Variants in FBXO7 observed in about 807,000 individuals in gnomAD.
FBXO7 encodes F-box protein 7.
Under a neutral mutation model 50.2 loss-of-function variants are expected in FBXO7, and 31 were observed. That is an observed-to-expected ratio of 0.62 (90% confidence interval 0.46 to 0.83). FBXO7 has a LOEUF of 0.83. Among genes scored for constraint, FBXO7 ranks in the 40% least tolerant of loss-of-function variants. The pLI, the probability that FBXO7 is intolerant of heterozygous loss-of-function variation, is 0.00. For synonymous variants in FBXO7, 256 were observed against 253.1 expected, an observed-to-expected ratio of 1.01 and a Z score of -0.11; for missense variants, 667 against 646.6, an observed-to-expected ratio of 1.03 and a Z score of -0.34.
chr22:32,481,964 T>C (rs1489130987), intron 2 of FBXO7, among the ~76,000 whole-genome samples: 1 of 152,142 alleles, frequency 6.6e-6, no homozygotes, highest in East Asian at 1.9e-4. Flanking sequence ...GTGGTTCTTA[T>C]GGAGTAGTAG....
intron 7 of FBXO7, among the ~76,000 whole-genome samples, chr22:32,493,573 T>A (rs938067244): frequency 2.0e-5 from 3 of 152,240 alleles, no homozygotes; most frequent in Admixed American, 1.3e-4. Context: ...GTATCTGACG[T>A]AGAAACGAGC....
intron 6 of FBXO7, 131 bp from the exon 7 acceptor site, chr22:32,492,974 G>A (rs2057546964): frequency 1.1e-6 from 1 of 870,462 alleles, no homozygotes; most frequent in Non-Finnish European, 2.0e-6. Context: ...GCATACTTGG[G>A]GATAATTAAG....
At position 32,475,078 on chromosome 22, in the gene FBXO7, T is replaced by G; in HGVS notation, c.76T>G (p.Leu26Val). 1.9e-6 allele frequency: 3 copies of G among 1,546,388 alleles called. No individual in the cohort carries two copies. Among genetic ancestry groups the G allele is most frequent in the Non-Finnish European group, 2.6e-6 (3 of 1,146,016 alleles). ...CGAGACGGAGCCGACGCTGGGGCAT[T>G]TGCGCTCGCACCTGAGGCAGTCCCT... Reference protein sequence around the residue: ...VPETEPTLGHLRSHLRQSLLC... With the variant: ...VPETEPTLGHVRSHLRQSLLC... Residue 26 changes from leucine (L) to valine (V), a missense_variant, in exon 1 of 9, where the codon TTG (leucine) becomes GTG (valine). Leu to Val is a conservative substitution (Grantham distance 32). Transcript: ENST00000266087.
At position 32,493,269 on chromosome 22, in the gene FBXO7, C is replaced by T. The variant is rs71799110; in HGVS notation, c.1132C>T (p.Arg378Cys). 8.1e-5 allele frequency: 131 copies of T among 1,613,590 alleles called. No individual in the cohort carries two copies. In the East Asian group the frequency reaches 1.2e-3, roughly 15 times the overall value. ...DPLLWRFLYL[R>C]DFRDNTVRVQ... The stretch of plus-strand genomic sequence containing the variant: ...ACTCCTGTGGAGGTTTTTATATCTG[C>T]GTGATTTTCGAGGTGATTTCCGTAA... The change falls in exon 7 of 9, where the codon CGT becomes TGT. Residue 378 changes from arginine to cysteine, a missense_variant. Physicochemically the swap from Arg to Cys is radical, Grantham distance 180. Coordinates refer to ENST00000266087, the MANE Select transcript of FBXO7 (RefSeq NM_012179.4).
chr22:32,480,203 A>G (rs913968822), intron 2 of FBXO7, among the ~76,000 whole-genome samples: 8 of 152,254 alleles, frequency 5.3e-5, no homozygotes, highest in Admixed American at 2.0e-4. Flanking sequence ...TCATAACTCT[A>G]TCTCATAAAC....
intron 2 of FBXO7, among the ~76,000 whole-genome samples, chr22:32,481,316 C>T (rs1208706181): frequency 1.3e-5 from 2 of 152,148 alleles, no homozygotes; most frequent in African/African-American, 4.8e-5. Flanking sequence ...AATTATATTT[C>T]TGAGTCTTTT....
intron 1 of FBXO7, 27 bp from the exon 2 acceptor site, chr22:32,478,954 A>G: frequency 1.2e-6 from 2 of 1,609,758 alleles, no homozygotes; most frequent in Non-Finnish European, 1.7e-6. Context: ...GGTAGTTCTT[A>G]CTATGCTTAT....
At chr22:32,478,705 G>A (rs865833560) in intron 1 of FBXO7, among the ~76,000 whole-genome samples, 1 of 152,060 alleles carries the variant, frequency 6.6e-6, no homozygotes, top group African/African-American at 2.4e-5. Context: ...GGGCAACAGA[G>A]TGAGACTCTG....
chr22:32,474,822 G>A lies in FBXO7; in HGVS notation c.-181G>A, dbSNP rs2145983323. On this transcript the variant is annotated 5_prime_UTR_variant, in exon 1 of 9. Transcript: ENST00000266087. The stretch of plus-strand genomic sequence containing the variant: ...GGAGAGGGGCGGGCGCTCTATTCCA[G>A]AGACCGAGTGGCAGGGCGGCCACTG... The A allele has an allele frequency of 1.6e-6, 1 of 630,518 alleles. No individual in the cohort carries two copies. The highest frequency in any genetic ancestry group is 2.6e-6 in the Non-Finnish European group (1 of 378,812). 39.1% of individuals were successfully genotyped at this position (630,518 alleles called of 1,614,324 possible). A position where few individuals can be genotyped will look rare whatever the true frequency, so the allele number is the denominator to read the frequency against.
chr22:32,487,573 G>C lies in FBXO7; in HGVS notation c.788-172G>C, dbSNP rs949704200. 5.1e-6 allele frequency: 3 copies of C among 583,476 alleles called. No individual in the cohort carries two copies. In the African/African-American group the frequency reaches 5.6e-5, roughly 11 times the overall value. 36.1% of individuals were successfully genotyped at this position (583,476 alleles called of 1,614,324 possible). A position where few individuals can be genotyped will look rare whatever the true frequency, so the allele number is the denominator to read the frequency against. The stretch of plus-strand genomic sequence containing the variant: ...AGTGATTTTACTTCATGTGATGCCA[G>C]GTTTACACTTTTGAACTTGCTATCA... On this transcript the variant is annotated intron_variant, in intron 4 of 8. Transcript: ENST00000266087.
Position 32,474,941 on chromosome 22 carries a change from G to C in FBXO7, c.-62G>C, listed in dbSNP as rs1050237991. ...CGCCGTTTGGGGCGGGAGCTGCTCG[G>C]CCCCGCCGCCGTCCCCGTCGCCGCT... On this transcript the variant is annotated 5_prime_UTR_variant, in exon 1 of 9. Transcript: ENST00000266087. 26 of 1,472,880 alleles carry C rather than the reference G, an allele frequency of 1.8e-5. No individual in the cohort carries two copies. Among genetic ancestry groups the C allele is most frequent in the Middle Eastern group, 4.8e-4 (2 of 4,170 alleles). 91.2% of individuals were successfully genotyped at this position (1,472,880 alleles called of 1,614,324 possible). A position where few individuals can be genotyped will look rare whatever the true frequency, so the allele number is the denominator to read the frequency against.
chr22:32,476,648 A>T (rs1207293324), intron 1 of FBXO7, among the ~76,000 whole-genome samples: 1 of 152,122 alleles, frequency 6.6e-6, no homozygotes, highest in African/African-American at 2.4e-5. Flanking sequence ...AAGTGGAGCT[A>T]GGATTGTCAT....
chr22:32,476,724 G>A (rs2057431284), intron 1 of FBXO7, among the ~76,000 whole-genome samples: 1 of 152,112 alleles, frequency 6.6e-6, no homozygotes, highest in Non-Finnish European at 1.5e-5. Context: ...TATTAAGAAA[G>A]TAAAGGAATA....
rs768310928 is a variant in FBXO7, at chr22:32,491,087, G to A, written c.873G>A (p.Gly291=). The part of the protein sequence containing the change: ...PESFICKEKL[G]ENVANIYKDL... ...ATTTTACTTTAAAAAATATTCTAGGGGAAAATGTAGCCAACATATACAAAG... is the reference window on the plus strand; with the variant it reads ...ATTTTACTTTAAAAAATATTCTAGGAGAAAATGTAGCCAACATATACAAAG... The change falls in exon 6 of 9, where the codon GGG becomes GGA. Residue 291 remains glycine (G), a splice_region_variant and synonymous_variant. Transcript: ENST00000266087. 14 of 1,609,574 alleles carry A rather than the reference G, an allele frequency of 8.7e-6. 1 individual carries two copies. In the South Asian group the frequency reaches 1.5e-4, roughly 18 times the overall value.
In FBXO7 at chr22:32,498,560, ATTTG is replaced by A; in HGVS notation, c.*34_*37del. 6.2e-7 allele frequency: 1 copy of A among 1,601,798 alleles called. No individual in the cohort carries two copies. The highest frequency in any genetic ancestry group is 1.3e-5 in the African/African-American group (1 of 74,892). On this transcript the variant is annotated 3_prime_UTR_variant, in exon 9 of 9. Coordinates refer to ENST00000266087, the MANE Select transcript of FBXO7 (RefSeq NM_012179.4). ...TTTGTAATTTCATTTCTGGAGCTCC[ATTTG>A]TTTTTGTTTCTAAACTACAGATGTC...
chr22:32,495,381 T>TTTTC lies in FBXO7; in HGVS notation c.1145-110_1145-109insTCTT, dbSNP rs1555884622. The TTTTC allele has an allele frequency of 1.8e-3, 1,123 of 607,278 alleles. 3 individuals are homozygous for TTTTC. Among genetic ancestry groups the TTTTC allele is most frequent in the East Asian group, 5.1e-3 (163 of 31,950 alleles). 37.6% of individuals were successfully genotyped at this position (607,278 alleles called of 1,614,324 possible). ...TATAAATGGTTAGTTTTTTTTTTTT[T>TTTTC]TTATGCTTAACGGGTAAGTTTCACT... On this transcript the variant is annotated intron_variant, in intron 7 of 8. Coordinates refer to ENST00000266087, the MANE Select transcript of FBXO7 (RefSeq NM_012179.4).
At chr22:32,480,921 C>A (rs1222153993) in intron 2 of FBXO7, among the ~76,000 whole-genome samples, 1 of 152,190 alleles carries the variant, frequency 6.6e-6, no homozygotes, top group African/African-American at 2.4e-5. Flanking sequence ...CCACCTTGGC[C>A]ACCCAAAGTA....
intron 2 of FBXO7, among the ~76,000 whole-genome samples, chr22:32,479,805 C>A (rs144075961): frequency 6.6e-6 from 1 of 152,176 alleles, no homozygotes; most frequent in African/African-American, 2.4e-5. Flanking sequence ...CACATACTCT[C>A]CTTCAGATCA....
intron 5 of FBXO7, chr22:32,488,713 TG>T (rs2057515186): frequency 6.6e-6 from 1 of 152,216 alleles, no homozygotes; most frequent in African/African-American, 2.4e-5. Flanking sequence ...CCTGAGAGAT[TG>T]ACTTATACTA....
Sources: gnomAD v4.1 joint callset for allele counts (sites outside exome capture counted in the v4.1 genomes callset) on GRCh38, gnomAD v4.1.1 for gene constraint, MANE v1.5 for transcripts, NCBI Gene and HGNC (gene_info 2026-07-23, HGNC 2026-07-21) for gene names.